ENTREP2: variants seen among roughly 807,000 people sequenced by gnomAD.
The protein encoded by ENTREP2 is endosomal transmembrane epsin interactor 2.
the ENTREP2 span, among the ~76,000 whole-genome samples, chr15:29,451,229 G>C: frequency 6.4e-4 from 98 of 152,260 alleles, 1 homozygote; most frequent in South Asian, 8.3e-3. Flanking sequence ...GAGTGCCCCG[G>C]TCTCCCTGGT....
the ENTREP2 span, among the ~76,000 whole-genome samples, chr15:29,535,836 T>G: frequency 6.6e-6 from 1 of 152,034 alleles, no homozygotes; most frequent in Non-Finnish European, 1.5e-5. Context: ...ATTCTCGAAC[T>G]TTCATTTTAA....
the ENTREP2 span, among the ~76,000 whole-genome samples, chr15:29,184,450 A>C: frequency 6.6e-6 from 1 of 152,164 alleles, no homozygotes; most frequent in East Asian, 1.9e-4. Context: ...TCCGTCTCCT[A>C]CTAAGCGGAT....
chr15:29,409,970 A>T, the ENTREP2 span, among the ~76,000 whole-genome samples: 1 of 152,192 alleles, frequency 6.6e-6, no homozygotes, highest in Non-Finnish European at 1.5e-5. Context: ...CCCAGGACCA[A>T]TATGGACTGC....
chr15:29,371,868 T>A, the ENTREP2 span, among the ~76,000 whole-genome samples: 1 of 151,908 alleles, frequency 6.6e-6, no homozygotes, highest in Non-Finnish European at 1.5e-5. Context: ...AGGTAGAGCA[T>A]CTATCCACTA....
At chr15:29,223,671 C>T in the ENTREP2 span, among the ~76,000 whole-genome samples, 5,423 of 152,150 alleles carry the variant, frequency 0.036, 135 homozygotes, top group Non-Finnish European at 0.057. Flanking sequence ...AAACACAATG[C>T]GGGCCCAGTA....
chr15:29,356,268 G>GTGTATATA, the ENTREP2 span, among the ~76,000 whole-genome samples: 28 of 57,614 alleles, frequency 4.9e-4, no homozygotes, highest in South Asian at 1.6e-3. Flanking sequence ...GTGTGTGTGT[G>GTGTATATA]TATATATATA....
the ENTREP2 span, among the ~76,000 whole-genome samples, chr15:29,602,698 C>T: frequency 2.6e-5 from 4 of 151,968 alleles, no homozygotes; most frequent in Non-Finnish European, 4.4e-5. Flanking sequence ...CCAACATGCC[C>T]GGCTAATTTT....
At chr15:29,253,978 A>C in the ENTREP2 span, among the ~76,000 whole-genome samples, 1 of 152,212 alleles carries the variant, frequency 6.6e-6, no homozygotes, top group East Asian at 1.9e-4. Context: ...AGGCTTTAAA[A>C]TAATTTTAAA....
At chr15:29,171,673 A>G in the ENTREP2 span, among the ~76,000 whole-genome samples, 1 of 152,186 alleles carries the variant, frequency 6.6e-6, no homozygotes, top group Non-Finnish European at 1.5e-5. Flanking sequence ...GGTACTCATA[A>G]AAGGTCTCAA....
chr15:29,510,833 A>G, the ENTREP2 span, among the ~76,000 whole-genome samples: 1 of 151,714 alleles, frequency 6.6e-6, no homozygotes, highest in African/African-American at 2.4e-5. Flanking sequence ...AATGTGGCAC[A>G]TATACACCAT....
At chr15:29,231,217 A>T in the ENTREP2 span, among the ~76,000 whole-genome samples, 12 of 152,206 alleles carry the variant, frequency 7.9e-5, no homozygotes, top group Non-Finnish European at 1.3e-4. Context: ...TACATTTCTG[A>T]TAGTCTACTA....
chr15:29,651,782 C>T, the ENTREP2 span, among the ~76,000 whole-genome samples: 10 of 152,246 alleles, frequency 6.6e-5, no homozygotes, highest in Non-Finnish European at 1.0e-4. Flanking sequence ...TGGGCACCCA[C>T]GAGCATGGGA....
the ENTREP2 span, among the ~76,000 whole-genome samples, chr15:29,224,783 C>A: frequency 6.6e-6 from 1 of 152,214 alleles, no homozygotes; most frequent in Non-Finnish European, 1.5e-5. Flanking sequence ...CAGTCCCCTG[C>A]TGGGCACCCA....
chr15:29,483,829 C>G, the ENTREP2 span, among the ~76,000 whole-genome samples: 2 of 152,282 alleles, frequency 1.3e-5, no homozygotes, highest in African/African-American at 4.8e-5. Context: ...GCTGAGATTT[C>G]TGATTATTAC....
chr15:29,387,907 G>A, the ENTREP2 span, among the ~76,000 whole-genome samples: 20 of 152,314 alleles, frequency 1.3e-4, no homozygotes, highest in East Asian at 3.9e-3. Context: ...GGGAAAACTG[G>A]CTAGCCATAC....
chr15:29,317,381 A>C, the ENTREP2 span, among the ~76,000 whole-genome samples: 3 of 152,368 alleles, frequency 2.0e-5, no homozygotes, highest in East Asian at 5.8e-4. Flanking sequence ...AGCTACAGGC[A>C]AAACATTGTT....
chr15:29,380,912 C>T, the ENTREP2 span, among the ~76,000 whole-genome samples: 6 of 144,166 alleles, frequency 4.2e-5, no homozygotes, highest in African/African-American at 1.3e-4. Flanking sequence ...AGTGGTGTGG[C>T]GCGATCTCGG....
chr15:29,160,410 G>T, the ENTREP2 span, among the ~76,000 whole-genome samples: 1 of 152,088 alleles, frequency 6.6e-6, no homozygotes, highest in Non-Finnish European at 1.5e-5. Context: ...AGGGAAGGCT[G>T]CGAGGACTGC....
the ENTREP2 span, among the ~76,000 whole-genome samples, chr15:29,312,264 C>G: frequency 1.5e-3 from 230 of 151,676 alleles, no homozygotes; most frequent in Non-Finnish European, 2.2e-4. Flanking sequence ...TTAAAATTAT[C>G]TTTATTTGCA....
Sources: gnomAD v4.1 joint callset for allele counts (sites outside exome capture counted in the v4.1 genomes callset) on GRCh38, gnomAD v4.1.1 for gene constraint, MANE v1.5 for transcripts, NCBI Gene and HGNC (gene_info 2026-07-23, HGNC 2026-07-21) for gene names.